NEDD4: variants seen among roughly 807,000 people sequenced by gnomAD.
NEDD4 encodes the protein E3 ubiquitin-protein ligase NEDD4.
Under a neutral mutation model 144.9 loss-of-function variants are expected in NEDD4, and 99 were observed. The ratio of observed to expected loss-of-function variants is 0.68; its 90% confidence interval spans 0.58 to 0.81. The LOEUF is 0.81. Ranked by LOEUF, NEDD4 falls within the 30% of genes least tolerant of loss-of-function variation. The pLI is 0.00. For missense variants in NEDD4, 985 were observed against 1,065.9 expected, an observed-to-expected ratio of 0.92 and a Z score of 1.06; for synonymous variants, 318 against 350.6, an observed-to-expected ratio of 0.91 and a Z score of 1.04.
chr15:55,927,822 G>T (rs34136305), intron 4 of NEDD4, among the ~76,000 whole-genome samples: 20,588 of 152,066 alleles, frequency 0.14, 1,524 homozygotes, highest in East Asian at 0.32. Context: ...GCAGAGCTTT[G>T]CTTAGGATGG....
intron 1 of NEDD4, among the ~76,000 whole-genome samples, chr15:55,985,050 T>A (rs1383921506): frequency 6.6e-6 from 1 of 152,216 alleles, no homozygotes; most frequent in Admixed American, 6.5e-5. Flanking sequence ...CTCTGACTGA[T>A]GTTTAATTAT....
At chr15:55,915,748 T>C in intron 5 of NEDD4, 1 of 1,613,952 alleles carries the variant, frequency 6.2e-7, no homozygotes, top group Non-Finnish European at 8.5e-7. Context: ...ACAGTCTGTC[T>C]GGGAGTATTA....
At chr15:55,974,891 CTTT>C (rs56285555) in intron 1 of NEDD4, among the ~76,000 whole-genome samples, 23 of 75,716 alleles carry the variant, frequency 3.0e-4, no homozygotes, top group African/African-American at 7.1e-4. Context: ...CTTTTCCTTT[CTTT>C]TTTTTTTTTT....
In NEDD4 at chr15:55,841,997, C is replaced by T; in HGVS notation, c.1775G>A (p.Trp592Ter). The part of the protein sequence containing the change: ...GLDYGGVARE[W>*]FFLISKEMFN... ...CATTTCCTTTGAGATCAGGAAGAAC[C>T]ATTCTCTGGCAACTCCTCCATAATC... Residue 592 changes from tryptophan (W) to a stop codon, truncating the protein, a stop_gained, in exon 19 of 29, where the codon TGG becomes TAG. Transcript: ENST00000435532. LOFTEE classifies it high-confidence loss of function. 2 of 1,614,174 alleles carry T rather than the reference C, an allele frequency of 1.2e-6. No individual in the cohort carries two copies. Among genetic ancestry groups the T allele is most frequent in the Non-Finnish European group, 1.7e-6 (2 of 1,180,028 alleles).
intron 14 of NEDD4, among the ~76,000 whole-genome samples, chr15:55,849,614 G>C (rs2033897297): frequency 6.6e-6 from 1 of 151,658 alleles, no homozygotes; most frequent in Admixed American, 6.6e-5. Context: ...AGCCCAAAAA[G>C]GTTATCAAAG....
intron 5 of NEDD4, among the ~76,000 whole-genome samples, chr15:55,894,471 A>ACAC (rs1595809346): frequency 1.3e-5 from 2 of 152,134 alleles, no homozygotes; most frequent in East Asian, 3.9e-4. Flanking sequence ...ATACCAAGAG[A>ACAC]CACCGGTACT....
At position 55,848,554 on chromosome 15, in the gene NEDD4, G is replaced by A. The variant is rs1218741889; in HGVS notation, c.1450C>T (p.His484Tyr). The change falls in exon 16 of 29, where the codon CAC becomes TAC. Residue 484 changes from histidine to tyrosine, a missense_variant. By Grantham distance (83) the His-to-Tyr change is moderately conservative (BLOSUM62 2). Coordinates refer to ENST00000435532, the MANE Select transcript of NEDD4 (RefSeq NM_006154.4). ...ATGTAGAAGATTCTTCCATCTGTGT[G>A]AGTTCTCTCTTCCCATCCTGGCTAT... ...PLPPGWEERT[H>Y]TDGRIFYINH... 1.7e-5 allele frequency: 28 copies of A among 1,613,310 alleles called. No homozygotes were observed. Among genetic ancestry groups the A allele is most frequent in the Non-Finnish European group, 2.1e-5 (25 of 1,179,610 alleles).
intron 4 of NEDD4, among the ~76,000 whole-genome samples, chr15:55,925,488 T>G (rs1176559184): frequency 6.6e-6 from 1 of 152,232 alleles, no homozygotes; most frequent in Non-Finnish European, 1.5e-5. Flanking sequence ...GTCAAAAGTA[T>G]ACACTGCGTT....
At chr15:55,923,838 TA>T (rs67519209) in intron 5 of NEDD4, among the ~76,000 whole-genome samples, 3 of 150,392 alleles carry the variant, frequency 2.0e-5, no homozygotes, top group African/African-American at 7.3e-5. Context: ...GACTTTTTTT[TA>T]AAAAAAAAGC....
chr15:55,897,836 C>A (rs2035786814), intron 5 of NEDD4, among the ~76,000 whole-genome samples: 2 of 152,228 alleles, frequency 1.3e-5, no homozygotes, highest in Non-Finnish European at 1.5e-5. Context: ...GTGATCCAAG[C>A]TTTCCCCTAT....
intron 2 of NEDD4, among the ~76,000 whole-genome samples, chr15:55,958,746 T>A (rs1360968012): frequency 1.4e-4 from 21 of 152,096 alleles, no homozygotes. Flanking sequence ...AGTTCTGAAA[T>A]CTGTGTCTTT....
At chr15:55,922,615 G>A (rs1172901026) in intron 5 of NEDD4, among the ~76,000 whole-genome samples, 5 of 151,990 alleles carry the variant, frequency 3.3e-5, no homozygotes, top group Non-Finnish European at 5.9e-5. Flanking sequence ...CACCTAACTC[G>A]GCCTCCCAAA....
intron 7 of NEDD4, among the ~76,000 whole-genome samples, 181 bp from the exon 8 acceptor site, chr15:55,869,862 T>TATAAATAAATAA (rs778928932): frequency 0.07 from 5,528 of 79,530 alleles, 121 homozygotes; most frequent in Middle Eastern, 0.14. Flanking sequence ...GGCAAACATA[T>TATAAATAAATAA]ATAAATAAAT....
At chr15:55,901,254 A>G (rs1171268554) in intron 5 of NEDD4, among the ~76,000 whole-genome samples, 1 of 152,156 alleles carries the variant, frequency 6.6e-6, no homozygotes, top group Non-Finnish European at 1.5e-5. Context: ...AAGAGAAAAA[A>G]GTCTACAATT....
At chr15:55,938,278 G>A (rs12901802) in intron 4 of NEDD4, among the ~76,000 whole-genome samples, 10,448 of 152,286 alleles carry the variant, frequency 0.069, 467 homozygotes, top group Non-Finnish European at 0.1. Context: ...AGAATCATTT[G>A]AACCTGGGAG....
intron 5 of NEDD4, among the ~76,000 whole-genome samples, chr15:55,902,819 T>C (rs1417945407): frequency 2.0e-5 from 3 of 151,800 alleles, no homozygotes; most frequent in African/African-American, 7.3e-5. Context: ...AAATCACAAG[T>C]TGGAAGACAA....
chr15:55,862,743 A>G (rs1007550954), intron 9 of NEDD4, among the ~76,000 whole-genome samples, 170 bp downstream of exon 9: 1 of 152,316 alleles, frequency 6.6e-6, no homozygotes, highest in Middle Eastern at 3.4e-3. Flanking sequence ...CATTTAAAAA[A>G]CGAAACAGCA....
chr15:55,860,493 C>G lies in NEDD4; in HGVS notation c.874G>C (p.Asp292His), dbSNP rs1327002172. The change falls in exon 11 of 29, where the codon GAT becomes CAT. Residue 292 changes from aspartate (D) to histidine (H), a missense_variant. Physicochemically the swap from Asp to His is moderately conservative, Grantham distance 81. Transcript: ENST00000435532. ...FPSPPPSSNLDVPTHLAEELN... is the reference protein window; with the variant it reads ...FPSPPPSSNLHVPTHLAEELN... ...TCTTCTGCAAGATGAGTTGGAACATCCAAGTTACTTGACGGTGGAGGTGAT... is the reference window on the plus strand; with the variant it reads ...TCTTCTGCAAGATGAGTTGGAACATGCAAGTTACTTGACGGTGGAGGTGAT... 5.6e-6 allele frequency: 9 copies of G among 1,614,092 alleles called. No individual in the cohort carries two copies. The highest frequency in any genetic ancestry group is 6.8e-6 in the Non-Finnish European group (8 of 1,180,016).
intron 5 of NEDD4, among the ~76,000 whole-genome samples, chr15:55,918,848 A>G (rs2036515532): frequency 6.6e-6 from 1 of 152,156 alleles, no homozygotes; most frequent in Non-Finnish European, 1.5e-5. Context: ...TTTCTTTTAA[A>G]TAAGGAGGAG....
Sources: gnomAD v4.1 joint callset for allele counts (sites outside exome capture counted in the v4.1 genomes callset) on GRCh38, gnomAD v4.1.1 for gene constraint, MANE v1.5 for transcripts, NCBI Gene and HGNC (gene_info 2026-07-23, HGNC 2026-07-21) for gene names.